Variants in CCR7 observed in about 807,000 individuals in gnomAD.
CCR7 encodes C-C chemokine receptor type 7.
Under a neutral mutation model 26.0 loss-of-function variants are expected in CCR7, and 11 were observed. That is an observed-to-expected ratio of 0.42 (90% CI 0.27 to 0.70). CCR7 has a LOEUF of 0.70. Among genes scored for constraint, CCR7 ranks in the 30% least tolerant of loss-of-function variants. The pLI is 0.23. For missense variants in CCR7, 360 were observed against 504.0 expected (o/e 0.71, Z 2.74); for synonymous variants, 189 against 202.1 (o/e 0.94, Z 0.55).
At chr17:40,560,793 T>TCTATTCTGG (rs965981278) in intron 1 of CCR7, 1 of 152,144 alleles carries the variant, frequency 6.6e-6, no homozygotes, top group African/African-American at 2.4e-5. Context: ...AGCTGCATTT[T>TCTATTCTGG]CTATTCTGGG....
At position 40,555,278 on chromosome 17, in the gene CCR7, T is replaced by G; in HGVS notation, c.601A>C (p.Arg201=). Residue 201 remains arginine (R), a synonymous_variant, in exon 3 of 3, where the codon AGG becomes CGG. Coordinates refer to ENST00000246657, the MANE Select transcript of CCR7 (RefSeq NM_001838.4). This position sits in a 1 kb window ranked among gnomAD's most constrained non-coding sequence, Gnocchi z 5.6. ...CGCATCGCTTGCTCACTGCTGCTCC[T>G]CTGGAGGTCACTGTACAGGAGCTCT... ...IPELLYSDLQ[R]SSSEQAMRCS... 6.2e-7 allele frequency: 1 copy of G among 1,614,186 alleles called. No homozygotes were observed. Among genetic ancestry groups the G allele is most frequent in the Non-Finnish European group, 8.5e-7 (1 of 1,180,034 alleles).
chr17:40,560,651 T>G (rs2036644977), intron 1 of CCR7: 1 of 152,204 alleles, frequency 6.6e-6, no homozygotes. Context: ...TGCCTAAAGC[T>G]TAGCTCTGAT....
At chr17:40,565,258 C>T (rs1313669509) in intron 1 of CCR7, 142 bp downstream of exon 1, 5 of 792,742 alleles carry the variant, frequency 6.3e-6, no homozygotes, top group Non-Finnish European at 1.1e-5. Context: ...AAGTAGCTTC[C>T]AATGCCCACC....
intron 1 of CCR7, chr17:40,560,758 G>T (rs1300526476): frequency 6.6e-6 from 1 of 152,076 alleles, no homozygotes; most frequent in Non-Finnish European, 1.5e-5. Flanking sequence ...CCAGTCCTCC[G>T]CTGTCCACTC....
chr17:40,556,255 CTG>C (rs2036586444), intron 2 of CCR7, among the ~76,000 whole-genome samples: 1 of 152,158 alleles, frequency 6.6e-6, no homozygotes, highest in Non-Finnish European at 1.5e-5. Flanking sequence ...GTCTAGGAAT[CTG>C]TGTTTTCCTA....
In CCR7 at chr17:40,555,407, T is replaced by C; in HGVS notation, c.472A>G (p.Ile158Val). ...CGGTGAGCTGAGACAGCCTGGACGA[T>C]GGCCACGTAGCGGTCAATGCTGATG... Reference protein sequence around the residue: ...LCISIDRYVAIVQAVSAHRHR... With the variant: ...LCISIDRYVAVVQAVSAHRHR... Residue 158 changes from isoleucine to valine, a missense_variant, in exon 3 of 3, where the codon ATC becomes GTC. Coordinates refer to ENST00000246657, the MANE Select transcript of CCR7 (RefSeq NM_001838.4). The surrounding 1 kb of genome is among the most constrained non-coding windows in gnomAD (Gnocchi z 5.6). The C allele has an allele frequency of 6.2e-7, 1 of 1,614,030 alleles. No individual in the cohort carries two copies. The highest frequency in any genetic ancestry group is 8.5e-7 in the Non-Finnish European group (1 of 1,180,040).
chr17:40,564,571 G>T (rs906520446), intron 1 of CCR7, among the ~76,000 whole-genome samples: 1 of 152,198 alleles, frequency 6.6e-6, no homozygotes, highest in East Asian at 1.9e-4. Context: ...GGGGCGTCTG[G>T]AGCTGGATGA....
In CCR7 at chr17:40,554,680, G is replaced by C. The variant is rs554704609; in HGVS notation, c.*62C>G. 4.2e-5 allele frequency: 56 copies of C among 1,317,698 alleles called. No individual in the cohort carries two copies. The highest frequency in any genetic ancestry group is 3.8e-4 in the Middle Eastern group (2 of 5,258). The allele number at this position is 1,317,698 out of a possible 1,614,324, so 81.6% of individuals were successfully genotyped here. ...GGGGATGTCCTGAGTCATTGCATCT[G>C]CTCCCTATCCCCACCCCAGGGACCC... On this transcript the variant is annotated 3_prime_UTR_variant, in exon 3 of 3. Transcript: ENST00000246657.
At chr17:40,559,596 C>T (rs946453158) in intron 1 of CCR7, among the ~76,000 whole-genome samples, 1 of 152,200 alleles carries the variant, frequency 6.6e-6, no homozygotes, top group African/African-American at 2.4e-5. Context: ...CACAACACCC[C>T]CTCACTGAAA....
At position 40,555,097 on chromosome 17, in the gene CCR7, G is replaced by A. The variant is rs1234451864; in HGVS notation, c.782C>T (p.Ala261Val). Residue 261 changes from alanine (A) to valine (V), a missense_variant, in exon 3 of 3, where the codon GCC (alanine) becomes GTC (valine). Physicochemically the swap from Ala to Val is moderately conservative, Grantham distance 64. Coordinates refer to ENST00000246657, the MANE Select transcript of CCR7 (RefSeq NM_001838.4). The surrounding 1 kb of genome is among the most constrained non-coding windows in gnomAD (Gnocchi z 5.6). ...GACCACAGCGATGATCACCTTGATGGCCTTGTTGCGCTCAAAGTTGCGTGC... is the reference window on the plus strand; with the variant it reads ...GACCACAGCGATGATCACCTTGATGACCTTGTTGCGCTCAAAGTTGCGTGC... ...LQARNFERNK[A>V]IKVIIAVVVV... 2 of 1,614,040 alleles carry A rather than the reference G, an allele frequency of 1.2e-6. No individual in the cohort carries two copies. Among genetic ancestry groups the A allele is most frequent in the Non-Finnish European group, 1.7e-6 (2 of 1,180,038 alleles).
rs2036581575 is a variant in CCR7 at position 40,555,814 on chromosome 17, C to T, written c.65G>A (p.Cys22Tyr). 1 of 1,609,556 alleles carries T rather than the reference C, an allele frequency of 6.2e-7. No individual in the cohort carries two copies. The highest frequency in any genetic ancestry group is 1.1e-5 in the South Asian group (1 of 90,646). The change falls in exon 3 of 3, where the codon TGC becomes TAC. Residue 22 changes from cysteine to tyrosine, a missense_variant. Transcript: ENST00000246657. This position sits in a 1 kb window ranked among gnomAD's most constrained non-coding sequence, Gnocchi z 5.6. ...GTCCGTGACCTCATCTTGACACAGG[C>T]ATACCTTCGGGGAAGGAAATGAGGG... ...VVALLVIFQVCLCQDEVTDDY... is the reference protein window; with the variant it reads ...VVALLVIFQVYLCQDEVTDDY...
intron 2 of CCR7, among the ~76,000 whole-genome samples, chr17:40,556,184 G>A (rs2036585881): frequency 6.6e-6 from 1 of 152,236 alleles, no homozygotes; most frequent in East Asian, 1.9e-4. Flanking sequence ...CTGGGAACTT[G>A]TTAGGAATGC....
rs377519447 is a variant in CCR7, at chr17:40,554,811, A to T, written c.1068T>A (p.Ser356=). 2.5e-6 allele frequency: 4 copies of T among 1,614,074 alleles called. No individual in the cohort carries two copies. In the African/African-American group the frequency reaches 5.3e-5, roughly 22 times the overall value. ...AGGAGCGCCGGATGTGCCGACAGGA[A>T]GACCACTGCCGGAGCTGCTCCTGGC... ...CLSQEQLRQW[S]SCRHIRRSSM... The change falls in exon 3 of 3, where the codon TCT becomes TCA. Residue 356 remains serine (S), a synonymous_variant. Transcript: ENST00000246657.
intron 2 of CCR7, among the ~76,000 whole-genome samples, chr17:40,557,467 A>G (rs1195145016): frequency 2.6e-5 from 4 of 152,222 alleles, no homozygotes; most frequent in Non-Finnish European, 4.4e-5. Flanking sequence ...GCTTGGGAAC[A>G]TGGTGAGGAC....
intron 2 of CCR7, among the ~76,000 whole-genome samples, chr17:40,557,095 C>A (rs1430314649): frequency 2.6e-5 from 4 of 152,246 alleles, no homozygotes; most frequent in South Asian, 4.1e-4. Context: ...CCTCTCCCCC[C>A]ACCTCTCTGC....
chr17:40,560,245 C>T (rs1414468078), intron 1 of CCR7, among the ~76,000 whole-genome samples: 2 of 152,358 alleles, frequency 1.3e-5, no homozygotes, highest in East Asian at 1.9e-4. Flanking sequence ...GCCCTCTTCC[C>T]GTATCCTGAC....
At chr17:40,562,291 G>T (rs992294056) in intron 1 of CCR7, among the ~76,000 whole-genome samples, 1 of 152,172 alleles carries the variant, frequency 6.6e-6, no homozygotes, top group Non-Finnish European at 1.5e-5. Context: ...AATGCCTGGG[G>T]CCACACAGCT....
At chr17:40,563,355 C>T (rs868558309) in intron 1 of CCR7, among the ~76,000 whole-genome samples, 2 of 152,154 alleles carry the variant, frequency 1.3e-5, no homozygotes, top group South Asian at 2.1e-4. Flanking sequence ...CCATTTATGT[C>T]CGAGCTGTGA....
chr17:40,556,043 A>T (rs953982629), intron 2 of CCR7, among the ~76,000 whole-genome samples: 3 of 151,936 alleles, frequency 2.0e-5, no homozygotes, highest in Non-Finnish European at 2.9e-5. Context: ...AGTAGCTGGG[A>T]CCACAGCCTT....
Sources: allele counts gnomAD v4.1 joint callset (sites outside exome capture counted in the v4.1 genomes callset), GRCh38; gene constraint gnomAD v4.1.1; non-coding constraint Gnocchi (gnomAD v3.1); transcripts MANE v1.5; gene names NCBI Gene and HGNC (gene_info 2026-07-23, HGNC 2026-07-21).